Variants in FBXL17 observed in about 807,000 individuals in gnomAD.
FBXL17 encodes F-box/LRR-repeat protein 17.
In FBXL17, 22 loss-of-function variants were observed where a neutral mutation model predicts 66.2. The observed-to-expected ratio is 0.33, with a 90% CI of 0.24 to 0.47. The LOEUF (loss-of-function observed/expected upper bound fraction) is 0.47. FBXL17 is among the 20% of genes least tolerant of loss of function. FBXL17 has a pLI of 1.00. For synonymous variants in FBXL17, 474 were observed against 400.5 expected (o/e 1.18, Z -2.19); for missense variants, 878 against 948.2 (o/e 0.93, Z 0.97).
intron 7 of FBXL17, among the ~76,000 whole-genome samples, chr5:108,018,625 C>T (rs1754472639): frequency 1.3e-5 from 2 of 152,198 alleles, no homozygotes; most frequent in East Asian, 1.9e-4. Context: ...AAACTTTCAC[C>T]ATGAACCTTT....
chr5:108,061,306 T>A (rs567711726), intron 6 of FBXL17, among the ~76,000 whole-genome samples: 3 of 151,492 alleles, frequency 2.0e-5, no homozygotes, highest in African/African-American at 4.8e-5. Context: ...AAAAAAAAAA[T>A]TCCTTATTTC....
chr5:107,957,695 C>A (rs28520800), intron 7 of FBXL17, among the ~76,000 whole-genome samples: 1 of 152,058 alleles, frequency 6.6e-6, no homozygotes, highest in Non-Finnish European at 1.5e-5. Context: ...CCAAACACTG[C>A]ACAAACACAT....
At chr5:108,075,663 G>C (rs1561397940) in intron 6 of FBXL17, among the ~76,000 whole-genome samples, 1 of 152,168 alleles carries the variant, frequency 6.6e-6, no homozygotes, top group Non-Finnish European at 1.5e-5. Flanking sequence ...TTTTAGTAGA[G>C]ATGGGGTTTC....
chr5:108,046,957 G>C (rs1014566723), intron 6 of FBXL17, among the ~76,000 whole-genome samples: 2 of 151,952 alleles, frequency 1.3e-5, no homozygotes, highest in South Asian at 4.2e-4. Flanking sequence ...ATTCTTTTAG[G>C]GTAGGTCTCC....
At chr5:108,094,633 A>C (rs968406395) in intron 6 of FBXL17, among the ~76,000 whole-genome samples, 1 of 152,156 alleles carries the variant, frequency 6.6e-6, no homozygotes, top group Non-Finnish European at 1.5e-5. Context: ...AAAGTTGCAA[A>C]TGTGTTCCTA....
In FBXL17 at chr5:107,860,145, T is replaced by G. The variant is rs12522552; in HGVS notation, c.*1575A>C. 0.15 allele frequency: 22,516 copies of G among 152,354 alleles called. 2,019 individuals carry two copies. Among genetic ancestry groups the G allele is most frequent in the Middle Eastern group, 0.28 (81 of 294 alleles). The allele number at this position is 152,354 out of a possible 1,614,324, so 9.4% of individuals were successfully genotyped here. ...AGTTGTTTACAAAAAAAGAGAATCA[T>G]TAGAAATCAGTAAATGGCATTCAAA... On this transcript the variant is annotated 3_prime_UTR_variant, in exon 9 of 9. Transcript: ENST00000542267.
At chr5:107,954,717 T>A (rs1370580497) in intron 7 of FBXL17, among the ~76,000 whole-genome samples, 2 of 151,968 alleles carry the variant, frequency 1.3e-5, no homozygotes, top group African/African-American at 4.8e-5. Context: ...AGACAGCAGA[T>A]GGAAAGAAAG....
At chr5:108,066,109 A>C (rs1295654201) in intron 6 of FBXL17, among the ~76,000 whole-genome samples, 4 of 152,128 alleles carry the variant, frequency 2.6e-5, no homozygotes, top group Non-Finnish European at 5.9e-5. Flanking sequence ...AAGTGGGTAG[A>C]CCTAGGCTTT....
At chr5:107,891,375 A>C in intron 7 of FBXL17, among the ~76,000 whole-genome samples, 1 of 152,172 alleles carries the variant, frequency 6.6e-6, no homozygotes, top group Non-Finnish European at 1.5e-5. Flanking sequence ...TATTTGGGGC[A>C]CAGGAGTGAT....
intron 7 of FBXL17, among the ~76,000 whole-genome samples, chr5:107,997,444 C>T (rs762849406): frequency 2.2e-4 from 34 of 152,176 alleles, no homozygotes; most frequent in Non-Finnish European, 8.8e-5. Flanking sequence ...TACAGTGGCT[C>T]TTCTCCACAT....
chr5:108,040,939 A>G (rs1033782226), intron 6 of FBXL17, among the ~76,000 whole-genome samples: 5 of 152,168 alleles, frequency 3.3e-5, no homozygotes, highest in Non-Finnish European at 5.9e-5. Flanking sequence ...GGGAAGCATT[A>G]TGGCACAGGA....
intron 6 of FBXL17, among the ~76,000 whole-genome samples, chr5:108,169,738 T>C (rs184972190): frequency 1.1e-4 from 17 of 152,296 alleles, no homozygotes; most frequent in Admixed American, 7.2e-4. Flanking sequence ...TAAATGAACT[T>C]GAAGATTTTT....
At chr5:107,979,140 A>G (rs1580277457) in intron 7 of FBXL17, among the ~76,000 whole-genome samples, 1 of 152,358 alleles carries the variant, frequency 6.6e-6, no homozygotes, top group East Asian at 1.9e-4. Flanking sequence ...CTTTATGTAT[A>G]AGTCAATAAA....
chr5:108,067,747 A>G (rs1173762674), intron 6 of FBXL17, among the ~76,000 whole-genome samples: 2 of 152,194 alleles, frequency 1.3e-5, no homozygotes, highest in African/African-American at 2.4e-5. Flanking sequence ...GCTCCTACAT[A>G]TTTCCCTATT....
intron 4 of FBXL17, among the ~76,000 whole-genome samples, chr5:108,259,408 A>C (rs971466881): frequency 3.9e-5 from 6 of 152,230 alleles, no homozygotes; most frequent in Non-Finnish European, 7.3e-5. Context: ...TTAAAAACAT[A>C]ATGTATCCTC....
chr5:108,309,320 T>C (rs904935618), intron 4 of FBXL17, among the ~76,000 whole-genome samples: 3 of 151,960 alleles, frequency 2.0e-5, no homozygotes, highest in Non-Finnish European at 2.9e-5. Context: ...TGAAATGAAA[T>C]TGACCAAATT....
chr5:108,376,714 T>C (rs572081918), intron 1 of FBXL17, among the ~76,000 whole-genome samples: 2 of 152,332 alleles, frequency 1.3e-5, no homozygotes, highest in South Asian at 4.1e-4. Flanking sequence ...GTCACATTTT[T>C]CTGTCTCTTT....
intron 4 of FBXL17, among the ~76,000 whole-genome samples, chr5:108,277,030 T>C (rs984689128): frequency 2.6e-5 from 4 of 152,138 alleles, no homozygotes; most frequent in Non-Finnish European, 5.9e-5. Context: ...CACTACAATT[T>C]AGATGTTTCC....
chr5:108,239,389 TGTGCTTTGGGAAGA>T (rs996934887), intron 4 of FBXL17, among the ~76,000 whole-genome samples: 1 of 152,188 alleles, frequency 6.6e-6, no homozygotes, highest in Admixed American at 6.5e-5. Context: ...AGTGAATCTG[TGTGCTTTGGGAAGA>T]GACAGTGCCA....
Sources: allele counts gnomAD v4.1 joint callset (sites outside exome capture counted in the v4.1 genomes callset), GRCh38; gene constraint gnomAD v4.1.1; transcripts MANE v1.5; gene names NCBI Gene and HGNC (gene_info 2026-07-23, HGNC 2026-07-21).